Variants in ZFAT observed in about 807,000 individuals in gnomAD.
ZFAT encodes the protein zinc finger and AT-hook domain containing.
Under a neutral mutation model 117.7 loss-of-function variants are expected in ZFAT, and 64 were observed. That is an observed-to-expected ratio of 0.54 (90% CI 0.44 to 0.67). The LOEUF (loss-of-function observed/expected upper bound fraction) is 0.67, where lower values mean the gene tolerates loss of function less well. Among genes scored for constraint, ZFAT ranks in the 30% least tolerant of loss-of-function variants. The probability of loss-of-function intolerance (pLI) is 0.00; values close to 1 mark genes in which losing one functional copy is unlikely to be tolerated. For missense variants in ZFAT, 1,433 were observed against 1,584.5 expected, an observed-to-expected ratio of 0.90 and a Z score of 1.62; for synonymous variants, 679 against 615.0, an observed-to-expected ratio of 1.10 and a Z score of -1.54.
chr8:134,639,812 C>T (rs982601939), intron 2 of ZFAT: 2 of 456,090 alleles, frequency 4.4e-6, no homozygotes, highest in African/African-American at 4.0e-5. Context: ...AACAGGGTGC[C>T]TAAGAGTTTA....
intron 15 of ZFAT, among the ~76,000 whole-genome samples, chr8:134,488,150 C>T (rs1360666184): frequency 6.6e-6 from 1 of 152,232 alleles, no homozygotes; most frequent in African/African-American, 2.4e-5. Flanking sequence ...CTTCAGGAGG[C>T]ACCTCACGGC....
chr8:134,771,071 T>G, the ZFAT span, among the ~76,000 whole-genome samples: 1 of 152,220 alleles, frequency 6.6e-6, no homozygotes, highest in Non-Finnish European at 1.5e-5. Context: ...CCTTGTGATA[T>G]TCTAATACCC....
intron 1 of ZFAT, among the ~76,000 whole-genome samples, chr8:134,668,442 C>G (rs955837522): frequency 6.6e-6 from 1 of 152,262 alleles, no homozygotes; most frequent in Non-Finnish European, 1.5e-5. Context: ...ATTTGCCATT[C>G]ACCAATATCC....
intron 10 of ZFAT, among the ~76,000 whole-genome samples, chr8:134,574,535 T>TGGAA (rs1479984431): frequency 2.0e-5 from 3 of 151,822 alleles, no homozygotes; most frequent in African/African-American, 7.3e-5. Flanking sequence ...TAAGAAGGAA[T>TGGAA]GGAATGGTAG....
chr8:134,569,658 G>A (rs766608449), intron 10 of ZFAT, among the ~76,000 whole-genome samples: 1 of 152,048 alleles, frequency 6.6e-6, no homozygotes, highest in Non-Finnish European at 1.5e-5. Context: ...CTGTGAGGAT[G>A]GGCTCAGGGA....
chr8:134,587,351 G>A (rs895410499), intron 9 of ZFAT, among the ~76,000 whole-genome samples: 10 of 152,036 alleles, frequency 6.6e-5, no homozygotes, highest in African/African-American at 2.2e-4. Context: ...TGCCTTCTCC[G>A]GGTTCCCAAT....
At chr8:134,811,859 T>C in the ZFAT span, among the ~76,000 whole-genome samples, 2 of 152,206 alleles carry the variant, frequency 1.3e-5, no homozygotes, top group Admixed American at 6.5e-5. Flanking sequence ...ATCTGTTAAA[T>C]GACAATTTAA....
At chr8:134,776,894 T>C in the ZFAT span, among the ~76,000 whole-genome samples, 6 of 152,196 alleles carry the variant, frequency 3.9e-5, no homozygotes, top group Non-Finnish European at 8.8e-5. Flanking sequence ...GTGTACTTAA[T>C]ACATTTCATG....
intron 1 of ZFAT, among the ~76,000 whole-genome samples, chr8:134,685,539 G>A (rs1833277893): frequency 6.6e-6 from 1 of 152,140 alleles, no homozygotes; most frequent in Admixed American, 6.5e-5. Flanking sequence ...AGCAACAGCT[G>A]GAAAATAACA....
At chr8:134,626,095 C>A (rs1191025519) in intron 3 of ZFAT, among the ~76,000 whole-genome samples, 1 of 152,178 alleles carries the variant, frequency 6.6e-6, no homozygotes, top group Non-Finnish European at 1.5e-5. Flanking sequence ...TCTGCCCCTG[C>A]AAAAGGCCCT....
At position 134,512,027 on chromosome 8, in the gene ZFAT, G is replaced by T. The variant is rs552714790; in HGVS notation, c.3361+448C>A. The stretch of plus-strand genomic sequence containing the variant: ...GATGTCCCTGAGGAAGCATGGAATG[G>T]GATGATGCCGTGACAAGAAGTTAGG... On this transcript the variant is annotated intron_variant, in intron 14 of 15. Transcript: ENST00000377838. 5.9e-5 allele frequency among the ~76,000 whole-genome samples: 9 copies of T among 152,280 alleles called. No homozygotes were observed. The South Asian group carries it at 1.9e-3, about 32-fold the overall frequency.
At chr8:134,590,195 T>C (rs905405052) in intron 8 of ZFAT, 73 bp downstream of exon 8, 21 of 1,181,822 alleles carry the variant, frequency 1.8e-5, no homozygotes, top group Middle Eastern at 2.3e-4. Flanking sequence ...GTGCAGTTAA[T>C]GTAAAACATT....
chr8:134,532,847 C>T lies in ZFAT; in HGVS notation c.3102G>A (p.Val1034=), dbSNP rs747887179. ...CCCCTCGCCTACCTTGCTGGATGAG[C>T]ACCTCCGCTGCCAGCTCCCCGGTGC... The part of the protein sequence containing the change: ...NVGTGELAAE[V]LIQQGGLKCP... The change falls in exon 12 of 16, where the codon GTG becomes GTA. Residue 1034 remains valine (V), a synonymous_variant. Coordinates refer to ENST00000377838, the MANE Select transcript of ZFAT (RefSeq NM_020863.4). The T allele has an allele frequency of 4.3e-6, 7 of 1,610,028 alleles. No homozygotes were observed. Among genetic ancestry groups the T allele is most frequent in the Admixed American group, 1.7e-5 (1 of 59,584 alleles).
the ZFAT span, chr8:134,766,640 CAT>C: frequency 6.6e-6 from 1 of 152,202 alleles, no homozygotes; most frequent in African/African-American, 2.4e-5. Context: ...AGCAAGCAGA[CAT>C]GTGTGGTGCT....
chr8:134,686,149 T>C (rs1036153495), intron 1 of ZFAT, among the ~76,000 whole-genome samples: 1 of 152,240 alleles, frequency 6.6e-6, no homozygotes, highest in Non-Finnish European at 1.5e-5. Flanking sequence ...TGACCACAGA[T>C]TGGCCGCCAC....
At chr8:134,787,664 C>T in the ZFAT span, among the ~76,000 whole-genome samples, 3 of 151,462 alleles carry the variant, frequency 2.0e-5, no homozygotes, top group African/African-American at 2.5e-5. Flanking sequence ...TGGATATTCT[C>T]GGTCCTTTGC....
chr8:134,682,958 A>G (rs1258243495), intron 1 of ZFAT, among the ~76,000 whole-genome samples: 1 of 152,222 alleles, frequency 6.6e-6, no homozygotes, highest in African/African-American at 2.4e-5. Context: ...TGATCTGGAC[A>G]AGCTGGGTTG....
At chr8:134,685,081 A>G (rs1015978364) in intron 1 of ZFAT, among the ~76,000 whole-genome samples, 1 of 152,144 alleles carries the variant, frequency 6.6e-6, no homozygotes, top group African/African-American at 2.4e-5. Context: ...TGTTGGTCAC[A>G]CAGACGTTCC....
chr8:134,544,810 G>T (rs1007273748), intron 11 of ZFAT, among the ~76,000 whole-genome samples: 2 of 152,150 alleles, frequency 1.3e-5, no homozygotes, highest in Non-Finnish European at 2.9e-5. Flanking sequence ...TGGCAACACG[G>T]AATGTTCACA....
Sources: allele counts gnomAD v4.1 joint callset (sites outside exome capture counted in the v4.1 genomes callset), GRCh38; gene constraint gnomAD v4.1.1; transcripts MANE v1.5; gene names NCBI Gene and HGNC (gene_info 2026-07-23, HGNC 2026-07-21).